The following XKR7 variants were observed in gnomAD, a reference collection of about 807,000 sequenced individuals.
XKR7 encodes XK related 7.
In XKR7, 11 loss-of-function variants were observed where a neutral mutation model predicts 42.2. That is an observed-to-expected ratio of 0.26 (90% CI 0.16 to 0.43). The LOEUF (loss-of-function observed/expected upper bound fraction) is 0.43, where lower values mean the gene tolerates loss of function less well. XKR7 is among the 20% of genes least tolerant of loss of function. XKR7 has a pLI of 1.00. For synonymous variants in XKR7, 346 were observed against 366.4 expected, an observed-to-expected ratio of 0.94 and a Z score of 0.64; for missense variants, 710 against 802.2, an observed-to-expected ratio of 0.89 and a Z score of 1.39.
rs1175615945 is a variant in XKR7 at position 31,968,190 on chromosome 20, G to T, written c.15G>T (p.Ser5=). 5 of 1,172,830 alleles carry T rather than the reference G, an allele frequency of 4.3e-6. No individual in the cohort carries two copies. Among genetic ancestry groups the T allele is most frequent in the Non-Finnish European group, 5.3e-6 (5 of 949,452 alleles). The allele number at this position is 1,172,830 out of a possible 1,614,324, so 72.7% of individuals were successfully genotyped here. ...TCTCCGCCAACATGGCCGCGAAGTCGGATGGAGCGGCGGCCTCGGCCAGCC... is the reference window on the plus strand; with the variant it reads ...TCTCCGCCAACATGGCCGCGAAGTCTGATGGAGCGGCGGCCTCGGCCAGCC... The part of the protein sequence containing the change: MAAK[S]DGAAASASPD... Residue 5 remains serine (S), a synonymous_variant, in exon 1 of 3, where the codon TCG becomes TCT. Coordinates refer to ENST00000562532, the MANE Select transcript of XKR7 (RefSeq NM_001011718.2). The surrounding 1 kb of genome is among the most constrained non-coding windows in gnomAD (Gnocchi z 4.5).
chr20:31,992,770 G>C (rs773980518), intron 1 of XKR7, among the ~76,000 whole-genome samples: 4 of 152,114 alleles, frequency 2.6e-5, no homozygotes, highest in Non-Finnish European at 5.9e-5. Flanking sequence ...GAGAGTCCCA[G>C]AATATTCACT....
intron 1 of XKR7, among the ~76,000 whole-genome samples, chr20:31,969,347 C>T (rs2123694920): frequency 6.6e-6 from 1 of 152,306 alleles, no homozygotes; most frequent in African/African-American, 2.4e-5. Context: ...TCCTATGACC[C>T]CCTCTCCCCC....
At position 31,968,477 on chromosome 20, in the gene XKR7, C is replaced by G; in HGVS notation, c.302C>G (p.Ser101Trp). 5.0e-6 allele frequency: 8 copies of G among 1,613,990 alleles called. No homozygotes were observed. The highest frequency in any genetic ancestry group is 5.9e-6 in the Non-Finnish European group (7 of 1,179,906). The change falls in exon 1 of 3, where the codon TCG (serine) becomes TGG (tryptophan). Residue 101 changes from serine (S) to tryptophan (W), a missense_variant. Ser to Trp is a radical substitution (Grantham distance 177, BLOSUM62 -3). Transcript: ENST00000562532. The surrounding 1 kb of genome is among the most constrained non-coding windows in gnomAD (Gnocchi z 4.5). The part of the protein sequence containing the change: ...SLTLLFVLLP[S>W]LVVQLLSFRW... Reference sequence around the variant, plus strand: ...ACCTTGCTGTTCGTGCTCCTGCCCTCGCTGGTCGTGCAGTTACTGAGCTTC... The same window carrying G: ...ACCTTGCTGTTCGTGCTCCTGCCCTGGCTGGTCGTGCAGTTACTGAGCTTC...
At position 31,999,656 on chromosome 20, in the gene XKR7, T is replaced by TG. The variant is rs767899926; in HGVS notation, c.*2200dup. ...TGCGGACCCAGACCCAGAAACAGAC[T>TG]GTTTCTCCAGGGCCAACTTTGTGCC... On this transcript the variant is annotated 3_prime_UTR_variant, in exon 3 of 3. Coordinates refer to ENST00000562532, the MANE Select transcript of XKR7 (RefSeq NM_001011718.2). 2.0e-5 allele frequency: 3 copies of TG among 152,110 alleles called. No individual in the cohort carries two copies. The highest frequency in any genetic ancestry group is 4.4e-5 in the Non-Finnish European group (3 of 68,008). 9.4% of individuals were successfully genotyped at this position (152,110 alleles called of 1,614,324 possible).
At chr20:31,986,061 C>A (rs2064538251) in intron 1 of XKR7, among the ~76,000 whole-genome samples, 1 of 149,494 alleles carries the variant, frequency 6.7e-6, no homozygotes, top group Non-Finnish European at 1.5e-5. Flanking sequence ...ATCCAAGACA[C>A]AGACAGACAG....
At chr20:31,988,100 GT>G (rs1479225181) in intron 1 of XKR7, among the ~76,000 whole-genome samples, 1 of 152,242 alleles carries the variant, frequency 6.6e-6, no homozygotes. Context: ...TTGGGCCCAG[GT>G]TTGACTGTCT....
At chr20:31,985,986 T>C (rs1390084043) in intron 1 of XKR7, among the ~76,000 whole-genome samples, 13 of 76,930 alleles carry the variant, frequency 1.7e-4, no homozygotes, top group South Asian at 4.0e-4. Flanking sequence ...ACAGACAGAC[T>C]ACCAAGCAGA....
chr20:31,985,580 C>A (rs2064534230), intron 1 of XKR7, among the ~76,000 whole-genome samples: 1 of 151,422 alleles, frequency 6.6e-6, no homozygotes, highest in African/African-American at 2.4e-5. Context: ...ACCTAGCATC[C>A]AAGACACAGA....
Position 32,000,840 on chromosome 20 carries a change from G to C in XKR7, c.*3383G>C, listed in dbSNP as rs1405489775. On this transcript the variant is annotated 3_prime_UTR_variant, in exon 3 of 3. Transcript: ENST00000562532. ...CATGTGCCTTGTAACTGTCACCCCA[G>C]CTGAACAGCACAGACCTCCCCACTC... The C allele has an allele frequency of 6.6e-6, 1 of 152,448 alleles. No homozygotes were observed. Among genetic ancestry groups the C allele is most frequent in the African/African-American group, 2.4e-5 (1 of 41,454 alleles). 9.4% of individuals were successfully genotyped at this position (152,448 alleles called of 1,614,324 possible). A position where few individuals can be genotyped will look rare whatever the true frequency, so the allele number is the denominator to read the frequency against.
intron 1 of XKR7, among the ~76,000 whole-genome samples, chr20:31,987,475 CACAG>C (rs2064547863): frequency 6.7e-6 from 1 of 148,294 alleles, no homozygotes; most frequent in Admixed American, 6.7e-5. Context: ...GTATCCAAGG[CACAG>C]ACAGTCCACC....
In XKR7 at chr20:32,000,372, C is replaced by CA. The variant is rs2064618712; in HGVS notation, c.*2916dup. 6.6e-6 allele frequency: 1 copy of CA among 152,658 alleles called. No homozygotes were observed. Among genetic ancestry groups the CA allele is most frequent in the Non-Finnish European group, 1.5e-5 (1 of 68,250 alleles). 9.5% of individuals were successfully genotyped at this position (152,658 alleles called of 1,614,324 possible). On this transcript the variant is annotated 3_prime_UTR_variant, in exon 3 of 3. Transcript: ENST00000562532. ...CCTCTGCCTCCTGTCCCCTGACCCC[C>CA]ACCCCAGTCTGGATGTTCAGTCCTT...
chr20:31,990,780 T>G (rs1309453648), intron 1 of XKR7, among the ~76,000 whole-genome samples: 1 of 152,212 alleles, frequency 6.6e-6, no homozygotes, highest in African/African-American at 2.4e-5. Flanking sequence ...GGAGCCAATT[T>G]TTTTTTTTCA....
Position 31,996,916 on chromosome 20 carries a change from G to A in XKR7, c.1199G>A (p.Gly400Asp). 1.2e-6 allele frequency: 2 copies of A among 1,613,894 alleles called. No homozygotes were observed. Residue 400 changes from glycine to aspartate, a missense_variant, in exon 3 of 3, where the codon GGC (glycine) becomes GAC (aspartate). Physicochemically the swap from Gly to Asp is moderately conservative, Grantham distance 94. This residue lies in a region of XKR7 where 708 missense variants were observed against 786.2 expected (regional missense o/e 0.90). Coordinates refer to ENST00000562532, the MANE Select transcript of XKR7 (RefSeq NM_001011718.2). ...IVLLENAALT[G>D]FWYSSRNFST... is the part of the protein sequence containing the mutation. ...CTGCTGGAGAACGCCGCGCTCACCG[G>A]CTTCTGGTACTCCAGCCGCAACTTC...
intron 1 of XKR7, among the ~76,000 whole-genome samples, chr20:31,989,517 G>A (rs1363082101): frequency 1.1e-5 from 1 of 87,622 alleles, no homozygotes; most frequent in Non-Finnish European, 2.2e-5. Flanking sequence ...GGAGGCAGGA[G>A]TGGATGCGGG....
At chr20:31,992,756 CAG>C (rs913473961) in intron 1 of XKR7, among the ~76,000 whole-genome samples, 2 of 152,088 alleles carry the variant, frequency 1.3e-5, no homozygotes. Flanking sequence ...CCTCATTTTG[CAG>C]AGAGAGTCCC....
In XKR7 at chr20:31,997,502, C is replaced by T; in HGVS notation, c.*45C>T. ...AAAGGGACAGGCTTGGCTGATCCCA[C>T]ATCCGCCGCAGTGTTGTGCCCCGAA... On this transcript the variant is annotated 3_prime_UTR_variant, in exon 3 of 3. Transcript: ENST00000562532. The T allele has an allele frequency of 6.6e-7, 1 of 1,513,772 alleles. No homozygotes were observed. Among genetic ancestry groups the T allele is most frequent in the Non-Finnish European group, 8.9e-7 (1 of 1,125,510 alleles). The allele number at this position is 1,513,772 out of a possible 1,614,324, so 93.8% of individuals were successfully genotyped here. A position where few individuals can be genotyped will look rare whatever the true frequency, so the allele number is the denominator to read the frequency against.
chr20:31,970,149 A>G (rs1279513309), intron 1 of XKR7: 4 of 152,254 alleles, frequency 2.6e-5, no homozygotes, highest in Non-Finnish European at 5.9e-5. Context: ...ACATAAAAAT[A>G]TTCATGTCTA....
At chr20:31,974,934 T>C (rs1160437753) in intron 1 of XKR7, among the ~76,000 whole-genome samples, 2 of 151,910 alleles carry the variant, frequency 1.3e-5, no homozygotes, top group Non-Finnish European at 2.9e-5. Context: ...CCTCCTCCCC[T>C]TGCCCATCCA....
In XKR7 at chr20:31,968,472, G is replaced by C. The variant is rs2064446514; in HGVS notation, c.297G>C (p.Leu99=). 1 of 1,613,874 alleles carries C rather than the reference G, an allele frequency of 6.2e-7. No homozygotes were observed. The highest frequency in any genetic ancestry group is 1.3e-5 in the African/African-American group (1 of 74,920). Reference sequence around the variant, plus strand: ...GCCTCACCTTGCTGTTCGTGCTCCTGCCCTCGCTGGTCGTGCAGTTACTGA... The same window carrying C: ...GCCTCACCTTGCTGTTCGTGCTCCTCCCCTCGCTGGTCGTGCAGTTACTGA... ...YFSLTLLFVL[L]PSLVVQLLSF... is the part of the protein sequence containing the mutation. The change falls in exon 1 of 3, where the codon CTG becomes CTC. Residue 99 remains leucine, a synonymous_variant. Transcript: ENST00000562532. The surrounding 1 kb of genome is among the most constrained non-coding windows in gnomAD (Gnocchi z 4.5).
Sources: allele counts gnomAD v4.1 joint callset (sites outside exome capture counted in the v4.1 genomes callset), GRCh38; gene constraint gnomAD v4.1.1; regional missense constraint gnomAD v4.1.1; non-coding constraint Gnocchi (gnomAD v3.1); transcripts MANE v1.5; gene names NCBI Gene and HGNC (gene_info 2026-07-23, HGNC 2026-07-21).